Variants in FRMD4B observed in about 807,000 individuals in gnomAD.
FRMD4B encodes FERM domain-containing protein 4B.
Under a neutral mutation model 141.5 loss-of-function variants are expected in FRMD4B, and 74 were observed. That is an observed-to-expected ratio of 0.52 (90% CI 0.43 to 0.63). FRMD4B has a LOEUF of 0.63. Among genes scored for constraint, FRMD4B ranks in the 30% least tolerant of loss-of-function variants. The probability of loss-of-function intolerance (pLI) is 0.00; values close to 1 mark genes in which losing one functional copy is unlikely to be tolerated. For missense variants in FRMD4B, 1,366 were observed against 1,253.4 expected (o/e 1.09, Z -1.36); for synonymous variants, 506 against 467.9 (o/e 1.08, Z -1.05).
In FRMD4B at chr3:69,195,153, G is replaced by C; in HGVS notation, c.1369-12C>G. 6.2e-7 allele frequency: 1 copy of C among 1,613,908 alleles called. No individual in the cohort carries two copies. Among genetic ancestry groups the C allele is most frequent in the Non-Finnish European group, 8.5e-7 (1 of 1,179,856 alleles). ...TTGCCTGTGAGCTCCTGTAAAACAG[G>C]ACAGAATCAAGAGCAGATAATTGAC... On this transcript the variant is annotated splice_polypyrimidine_tract_variant and intron_variant, in intron 15 of 22. Coordinates refer to ENST00000398540, the MANE Select transcript of FRMD4B (RefSeq NM_015123.3).
intron 1 of FRMD4B, among the ~76,000 whole-genome samples, chr3:69,358,029 T>A (rs1244978721): frequency 3.3e-5 from 5 of 152,208 alleles, no homozygotes. Context: ...ACCTGGCATC[T>A]CTCAAAAAGA....
intron 1 of FRMD4B, among the ~76,000 whole-genome samples, chr3:69,368,242 T>C (rs966859186): frequency 6.6e-6 from 1 of 152,180 alleles, no homozygotes; most frequent in African/African-American, 2.4e-5. Flanking sequence ...AGAAACATGC[T>C]CTGAGTTACC....
chr3:69,453,515 G>T (rs951371786), intron 1 of FRMD4B, among the ~76,000 whole-genome samples: 1 of 152,182 alleles, frequency 6.6e-6, no homozygotes, highest in Non-Finnish European at 1.5e-5. Context: ...GTGATGCCTG[G>T]AGCTAGCCAA....
intron 2 of FRMD4B, among the ~76,000 whole-genome samples, chr3:69,431,416 A>T (rs148118716): frequency 1.5e-3 from 223 of 152,272 alleles, no homozygotes; most frequent in African/African-American, 5.1e-3. Context: ...TAAAGAACTG[A>T]TATCTTCCAC....
At chr3:69,346,176 A>T (rs1469641319) in intron 1 of FRMD4B, among the ~76,000 whole-genome samples, 2 of 152,066 alleles carry the variant, frequency 1.3e-5, no homozygotes, top group African/African-American at 4.8e-5. Context: ...CAAGAAATAC[A>T]TGATGAATGC....
chr3:69,259,824 T>G (rs1452572625), intron 5 of FRMD4B, among the ~76,000 whole-genome samples: 1 of 152,186 alleles, frequency 6.6e-6, no homozygotes, highest in Non-Finnish European at 1.5e-5. Context: ...GTTTTAGAAA[T>G]GGGGTCACCC....
At chr3:69,259,833 C>T (rs996737396) in intron 5 of FRMD4B, among the ~76,000 whole-genome samples, 6 of 152,094 alleles carry the variant, frequency 3.9e-5, no homozygotes, top group African/African-American at 1.2e-4. Context: ...ATGGGGTCAC[C>T]CAGGCTAATG....
chr3:69,498,314 T>C (rs1483008068), intron 1 of FRMD4B, among the ~76,000 whole-genome samples: 5 of 152,198 alleles, frequency 3.3e-5, no homozygotes, highest in Non-Finnish European at 5.9e-5. Flanking sequence ...TCATTTAATA[T>C]TTTTGGAAAA....
intron 2 of FRMD4B, among the ~76,000 whole-genome samples, chr3:69,417,712 G>A (rs566933975): frequency 6.6e-5 from 10 of 152,226 alleles, no homozygotes; most frequent in South Asian, 2.1e-4. Flanking sequence ...TCTGGCTACC[G>A]TGACAAATTA....
intron 1 of FRMD4B, among the ~76,000 whole-genome samples, chr3:69,444,937 C>G (rs1004073200): frequency 3.3e-5 from 5 of 152,164 alleles, no homozygotes; most frequent in African/African-American, 1.2e-4. Flanking sequence ...TTAAGCAATT[C>G]TTAAATATTT....
chr3:69,512,896 A>G (rs1454559653), intron 1 of FRMD4B, among the ~76,000 whole-genome samples: 1 of 152,232 alleles, frequency 6.6e-6, no homozygotes, highest in African/African-American at 2.4e-5. Flanking sequence ...ACCAAAATTT[A>G]TGACATGCAG....
At chr3:69,422,995 T>C (rs1013331977) in intron 2 of FRMD4B, among the ~76,000 whole-genome samples, 1 of 152,310 alleles carries the variant, frequency 6.6e-6, no homozygotes, top group South Asian at 2.1e-4. Context: ...GTAAGTTGTA[T>C]AGTTAGCCAA....
chr3:69,366,957 A>G (rs1280119518), intron 1 of FRMD4B, among the ~76,000 whole-genome samples: 2 of 151,732 alleles, frequency 1.3e-5, no homozygotes, highest in Non-Finnish European at 2.9e-5. Context: ...TGTAGAGATG[A>G]AATTTTGCCA....
At chr3:69,277,516 CTTTTTTTTT>C (rs55745266) in intron 5 of FRMD4B, among the ~76,000 whole-genome samples, 20 of 60,494 alleles carry the variant, frequency 3.3e-4, no homozygotes, top group South Asian at 2.9e-3. Context: ...TTTCTTTCTG[CTTTTTTTTT>C]TTTTTTTTTT....
chr3:69,221,070 T>C (rs6798035), intron 9 of FRMD4B, among the ~76,000 whole-genome samples: 145,871 of 152,046 alleles, frequency 0.96, 70,197 homozygotes, highest in East Asian at 1. Flanking sequence ...TTAAGCAATT[T>C]TCCTGCCTCA....
At position 69,187,784 on chromosome 3, in the gene FRMD4B, A is replaced by C. The variant is rs776027309; in HGVS notation, c.1905T>G (p.Asp635Glu). 6.2e-7 allele frequency: 1 copy of C among 1,612,160 alleles called. No individual in the cohort carries two copies. The highest frequency in any genetic ancestry group is 1.1e-5 in the South Asian group (1 of 90,804). Residue 635 changes from aspartate (D) to glutamate (E), a missense_variant, in exon 19 of 23, where the codon GAT becomes GAG. By Grantham distance (45) the Asp-to-Glu change is conservative. Coordinates refer to ENST00000398540, the MANE Select transcript of FRMD4B (RefSeq NM_015123.3). ...TGACCTCTCACCTGGACTGCCTGGT[A>C]TCCACAAACTGTTCATTGATGGACG... ...RKSSINEQFVDTRQSREMLST... is the reference protein window; with the variant it reads ...RKSSINEQFVETRQSREMLST...
rs565362372 is a variant in FRMD4B at position 69,374,101 on chromosome 3, T to G, written c.162+11727A>C. 2.0e-5 allele frequency among the ~76,000 whole-genome samples: 3 copies of G among 152,330 alleles called. No individual in the cohort carries two copies. In the East Asian group the frequency reaches 5.8e-4, roughly 29 times the overall value. On this transcript the variant is annotated intron_variant, in intron 1 of 22. Transcript: ENST00000398540. ...CTTAAATCCTGGTCAGAGTTTGCACTCTAGCATGATAACTTTTGGCTTAGG... is the reference window on the plus strand; with the variant it reads ...CTTAAATCCTGGTCAGAGTTTGCACGCTAGCATGATAACTTTTGGCTTAGG...
intron 1 of FRMD4B, among the ~76,000 whole-genome samples, chr3:69,331,844 C>G (rs1029053812): frequency 1.3e-5 from 2 of 152,134 alleles, no homozygotes; most frequent in African/African-American, 4.8e-5. Context: ...AATCCCAGCA[C>G]TTTGGGAGGC....
intron 1 of FRMD4B, among the ~76,000 whole-genome samples, chr3:69,474,651 T>C (rs570562104): frequency 1.3e-5 from 2 of 152,246 alleles, no homozygotes; most frequent in Admixed American, 1.3e-4. Flanking sequence ...AATTAGAAGA[T>C]ATGTTCCAAT....
Sources: allele counts gnomAD v4.1 joint callset (sites outside exome capture counted in the v4.1 genomes callset), GRCh38; gene constraint gnomAD v4.1.1; transcripts MANE v1.5; gene names NCBI Gene and HGNC (gene_info 2026-07-23, HGNC 2026-07-21).